Variants in VTCN1 observed in about 807,000 individuals in gnomAD.
VTCN1 encodes V-set domain containing T cell activation inhibitor 1.
VTCN1 carries 26 observed loss-of-function variants against 26.5 expected under a neutral mutation model. The ratio of observed to expected loss-of-function variants is 0.98; its 90% CI spans 0.72 to 1.36. The LOEUF is 1.36. VTCN1 is among the 40% of genes most tolerant of loss of function. The pLI is 0.00. For missense variants in VTCN1, 298 were observed against 337.7 expected (o/e 0.88, Z 0.92); for synonymous variants, 116 against 130.7 (o/e 0.89, Z 0.77).
rs1652008133 is a variant in VTCN1, at chr1:117,155,220, C to T, written c.445+1354G>A. Among the ~76,000 whole-genome samples, 1 of 152,100 alleles carries T rather than the reference C, an allele frequency of 6.6e-6. No homozygotes were observed. The highest frequency in any genetic ancestry group is 2.4e-5 in the African/African-American group (1 of 41,416). On this transcript the variant is annotated intron_variant, in intron 3 of 5. Coordinates refer to ENST00000369458, the MANE Select transcript of VTCN1 (RefSeq NM_024626.4). This position sits in a 1 kb window ranked among gnomAD's most constrained non-coding sequence, Gnocchi z 4.8. ...GAGCACAGGAGGTAAAGTGCCCTTC[C>T]CATCACATTATATCAGAAGGTACAT...
chr1:117,185,402 A>G (rs919910548), intron 1 of VTCN1, among the ~76,000 whole-genome samples: 1 of 152,228 alleles, frequency 6.6e-6, no homozygotes, highest in South Asian at 2.1e-4. Flanking sequence ...GAATCAAAAT[A>G]TACCTAGGCT....
At position 117,144,942 on chromosome 1, in the gene VTCN1, G is replaced by T. The variant is rs1651437643; in HGVS notation, c.*329C>A. 1.3e-5 allele frequency: 2 copies of T among 152,612 alleles called. No individual in the cohort carries two copies. The highest frequency in any genetic ancestry group is 2.9e-5 in the Non-Finnish European group (2 of 68,034). 9.5% of individuals were successfully genotyped at this position (152,612 alleles called of 1,614,324 possible). A position where few individuals can be genotyped will look rare whatever the true frequency, so the allele number is the denominator to read the frequency against. ...ACTATCCTGTCCTCTCACTCCCCAGGTGACAGGCAGGGGGAGGTCCCTGAG... is the reference window on the plus strand; with the variant it reads ...ACTATCCTGTCCTCTCACTCCCCAGTTGACAGGCAGGGGGAGGTCCCTGAG... On this transcript the variant is annotated 3_prime_UTR_variant, in exon 6 of 6. Transcript: ENST00000369458.
chr1:117,162,771 A>G (rs1315174205), intron 2 of VTCN1, among the ~76,000 whole-genome samples: 1 of 152,244 alleles, frequency 6.6e-6, no homozygotes, highest in African/African-American at 2.4e-5. Flanking sequence ...CTCTGGGTTC[A>G]CACAGTGGGA....
intron 1 of VTCN1, among the ~76,000 whole-genome samples, chr1:117,196,292 T>C (rs1456851504): frequency 6.6e-6 from 1 of 151,952 alleles, no homozygotes; most frequent in African/African-American, 2.4e-5. Context: ...AAAAATCATA[T>C]TATAGAAGAA....
intron 1 of VTCN1, among the ~76,000 whole-genome samples, chr1:117,181,274 T>C (rs1415467137): frequency 6.8e-6 from 1 of 146,636 alleles, no homozygotes; most frequent in Non-Finnish European, 1.5e-5. Flanking sequence ...AAAAAGTAAA[T>C]GCTTATTTTT....
intron 1 of VTCN1, among the ~76,000 whole-genome samples, chr1:117,185,543 G>C (rs1647892523): frequency 6.6e-6 from 1 of 151,904 alleles, no homozygotes; most frequent in South Asian, 2.1e-4. Context: ...AGTAGTTCAG[G>C]CCGTGATAGG....
At chr1:117,192,426 A>G (rs1648291525) in intron 1 of VTCN1, among the ~76,000 whole-genome samples, 2 of 152,190 alleles carry the variant, frequency 1.3e-5, no homozygotes, top group Non-Finnish European at 2.9e-5. Context: ...AAAGGATGCT[A>G]AGTAACAATA....
chr1:117,173,923 C>T (rs1029180582), intron 1 of VTCN1, among the ~76,000 whole-genome samples: 1 of 152,208 alleles, frequency 6.6e-6, no homozygotes, highest in Admixed American at 6.5e-5. Context: ...ACCCTGCCAT[C>T]TGTCACCAAA....
chr1:117,206,193 T>C (rs1649068564), intron 1 of VTCN1, among the ~76,000 whole-genome samples: 1 of 151,822 alleles, frequency 6.6e-6, no homozygotes, highest in Non-Finnish European at 1.5e-5. Context: ...ACTCTATGAG[T>C]ATTCTCCAGA....
chr1:117,154,638 C>A (rs1394595406), intron 3 of VTCN1, among the ~76,000 whole-genome samples: 1 of 151,904 alleles, frequency 6.6e-6, no homozygotes, highest in East Asian at 1.9e-4. Flanking sequence ...ACAAAATTAG[C>A]CGGCTGTGGA....
chr1:117,210,081 G>A (rs1055578876), intron 1 of VTCN1, among the ~76,000 whole-genome samples: 1 of 152,158 alleles, frequency 6.6e-6, no homozygotes, highest in Non-Finnish European at 1.5e-5. Context: ...AGAAAACCCT[G>A]CACTTTCCAT....
chr1:117,210,054 C>T (rs183651320), intron 1 of VTCN1, among the ~76,000 whole-genome samples: 256 of 152,296 alleles, frequency 1.7e-3, no homozygotes, highest in Non-Finnish European at 2.9e-3. Flanking sequence ...GTGACTGACA[C>T]TGAATCAATC....
chr1:117,186,798 C>T lies in VTCN1; in HGVS notation c.33-16627G>A, dbSNP rs538027342. Among the ~76,000 whole-genome samples the T allele has an allele frequency of 3.8e-4, 58 of 152,188 alleles. No homozygotes were observed. In the Middle Eastern group the frequency reaches 0.014, roughly 36 times the overall value. On this transcript the variant is annotated intron_variant, in intron 1 of 5. Coordinates refer to ENST00000369458, the MANE Select transcript of VTCN1 (RefSeq NM_024626.4). ...ATCCCAGCACCTTGAGAGGCTGGGG[C>T]GGGAGGATTGCTTGAGGCCAGGAGT...
Position 117,175,917 on chromosome 1 carries a change from C to T in VTCN1, c.33-5746G>A, listed in dbSNP as rs560728295. On this transcript the variant is annotated intron_variant, in intron 1 of 5. Transcript: ENST00000369458. The surrounding 1 kb of genome is among the most constrained non-coding windows in gnomAD (Gnocchi z 4.2). ...TCCCGAGTAGCTGGGATTACAGGCA[C>T]GTGCCACCACGCCCGGCTAATTTTT... 3.3e-5 allele frequency among the ~76,000 whole-genome samples: 5 copies of T among 151,950 alleles called. No individual in the cohort carries two copies. Among genetic ancestry groups the T allele is most frequent in the African/African-American group, 9.7e-5 (4 of 41,366 alleles).
chr1:117,194,603 T>C (rs536747133), intron 1 of VTCN1, among the ~76,000 whole-genome samples: 8 of 152,336 alleles, frequency 5.3e-5, no homozygotes, highest in East Asian at 1.9e-4. Context: ...ACAAGAGCCA[T>C]CATATGGAAA....
intron 4 of VTCN1, among the ~76,000 whole-genome samples, chr1:117,148,424 C>G (rs1202231732): frequency 6.6e-6 from 1 of 152,118 alleles, no homozygotes; most frequent in Non-Finnish European, 1.5e-5. Context: ...TGAGTTAGTG[C>G]ATGCAAAGCA....
At chr1:117,172,279 C>T in intron 1 of VTCN1, 1 of 502,420 alleles carries the variant, frequency 2.0e-6, no homozygotes, top group South Asian at 1.5e-5. Context: ...ACAGAAACAA[C>T]AGTTCCCCTG....
intron 1 of VTCN1, chr1:117,173,114 C>A (rs1653011307): frequency 1.4e-6 from 1 of 711,226 alleles, no homozygotes; most frequent in South Asian, 1.5e-5. Flanking sequence ...GAGACCAGAA[C>A]CCACAGGGAG....
At chr1:117,148,401 T>C (rs1173111904) in intron 4 of VTCN1, among the ~76,000 whole-genome samples, 2 of 152,180 alleles carry the variant, frequency 1.3e-5, no homozygotes, top group African/African-American at 4.8e-5. Context: ...CATAGGGTTC[T>C]TATGAGGATT....
Sources: allele counts gnomAD v4.1 joint callset (sites outside exome capture counted in the v4.1 genomes callset), GRCh38; gene constraint gnomAD v4.1.1; non-coding constraint Gnocchi (gnomAD v3.1); transcripts MANE v1.5; gene names NCBI Gene and HGNC (gene_info 2026-07-23, HGNC 2026-07-21).